GOLGA6B: variants seen among roughly 807,000 people sequenced by gnomAD.
GOLGA6B encodes golgin A6 family member B, also known as golgin subfamily A member 6B.
GOLGA6B carries 11 observed loss-of-function variants against 63.0 expected under a neutral mutation model. The observed-to-expected ratio is 0.17, with a 90% CI of 0.11 to 0.29. The LOEUF is 0.29. Ranked by LOEUF, GOLGA6B falls within the 10% of genes least tolerant of loss-of-function variation. The pLI is 1.00. For missense variants in GOLGA6B, 134 were observed against 563.8 expected (o/e 0.24, Z 7.72); for synonymous variants, 46 against 232.6 (o/e 0.20, Z 7.30).
Position 72,664,403 on chromosome 15 carries a change from C to T in GOLGA6B, c.1426-33C>T, listed in dbSNP as rs58496280. On this transcript the variant is annotated intron_variant, in intron 12 of 17. Transcript: ENST00000421285. ...CCGAGGGGGATGACCTGGCAACCTC[C>T]GTGCCTTCTCACTCTGTTTCCCGTC... is the stretch of plus-strand genomic sequence containing the variant. The T allele has an allele frequency of 8.1e-5, 107 of 1,319,320 alleles. 31 individuals are homozygous for T. The South Asian group carries it at 8.3e-4, about 10-fold the overall frequency. 81.7% of individuals were successfully genotyped at this position (1,319,320 alleles called of 1,614,324 possible). A position where few individuals can be genotyped will look rare whatever the true frequency, so the allele number is the denominator to read the frequency against.
At chr15:72,664,124 C>T (rs1229402631) in intron 12 of GOLGA6B, among the ~76,000 whole-genome samples, 1 of 130,280 alleles carries the variant, frequency 7.7e-6, no homozygotes, top group Non-Finnish European at 1.7e-5. Flanking sequence ...GGTCTTCCTG[C>T]AGGTGGAGCT....
chr15:72,665,159 G>A (rs372173375), intron 14 of GOLGA6B, 124 bp downstream of exon 14: 131,345 of 524,920 alleles, frequency 0.25, 3,592 homozygotes, highest in Non-Finnish European at 0.3. Context: ...GGAGCCAGTG[G>A]TCAGACACTT....
rs574883965 is a variant in GOLGA6B, at chr15:72,664,312, G to A, written c.1426-124G>A. On this transcript the variant is annotated intron_variant, in intron 12 of 17. Coordinates refer to ENST00000421285, the MANE Select transcript of GOLGA6B (RefSeq NM_018652.5). ...AGCAGCAGGAAGCTTGGGGCAAAGC[G>A]GTGGCTGAGATGGCCGGCCAAAAGT... 694 of 1,183,658 alleles carry A rather than the reference G, an allele frequency of 5.9e-4. 141 individuals are homozygous for A. The highest frequency in any genetic ancestry group is 1.1e-3 in the South Asian group (68 of 62,300). 73.3% of individuals were successfully genotyped at this position (1,183,658 alleles called of 1,614,324 possible). A position where few individuals can be genotyped will look rare whatever the true frequency, so the allele number is the denominator to read the frequency against.
chr15:72,666,331 C>G lies in GOLGA6B; in HGVS notation c.2071C>G (p.Gln691Glu). The G allele has an allele frequency of 6.5e-7, 1 of 1,544,868 alleles. No individual in the cohort carries two copies. Among genetic ancestry groups the G allele is most frequent in the South Asian group, 1.1e-5 (1 of 86,962 alleles). The change falls in exon 18 of 18, where the codon CAG becomes GAG. Residue 691 changes from glutamine (Q) to glutamate (E), a missense_variant. By Grantham distance (29) the Gln-to-Glu change is conservative (BLOSUM62 2). Coordinates refer to ENST00000421285, the MANE Select transcript of GOLGA6B (RefSeq NM_018652.5). Reference sequence around the variant, plus strand: ...GATCGTGCAGCTGTCTCCTGTCATGCAGGACACCTAGGAGCACCCAGGCTT... The same window carrying G: ...GATCGTGCAGCTGTCTCCTGTCATGGAGGACACCTAGGAGCACCCAGGCTT... ...QQIVQLSPVM[Q>E]DT
chr15:72,662,444 G>T lies in GOLGA6B; in HGVS notation c.1040G>T (p.Arg347Leu). The change falls in exon 11 of 18, where the codon CGA becomes CTA. Residue 347 changes from arginine to leucine, a missense_variant. Transcript: ENST00000421285. ...CTCCAGGAGCAGGAGGAGATGCTCC[G>T]AGAGCAGGAGGTGCAGAGAGTGCGG... The part of the protein sequence containing the change: ...QRLQEQEEML[R>L]EQEVQRVREQ... The T allele has an allele frequency of 7.2e-7, 1 of 1,393,886 alleles. No homozygotes were observed. Among genetic ancestry groups the T allele is most frequent in the East Asian group, 2.7e-5 (1 of 37,600 alleles). 86.3% of individuals were successfully genotyped at this position (1,393,886 alleles called of 1,614,324 possible).
At chr15:72,665,135 C>A in intron 14 of GOLGA6B, 100 bp downstream of exon 14, 2 of 898,102 alleles carry the variant, frequency 2.2e-6, no homozygotes, top group South Asian at 2.8e-5. Context: ...TGCTCTGGCC[C>A]CTCACCCCTT....
At chr15:72,657,272 G>A (rs1171052465) in intron 2 of GOLGA6B, among the ~76,000 whole-genome samples, 8 of 83,874 alleles carry the variant, frequency 9.5e-5, no homozygotes, top group African/African-American at 3.6e-4. Context: ...TGGAGGTGGA[G>A]GTCTGGAGCT....
chr15:72,662,525 T>TGC lies in GOLGA6B; in HGVS notation c.1121_1122insGC (p.Gln375HisfsTer79). The TGC allele has an allele frequency of 6.9e-7, 1 of 1,456,656 alleles. No individual in the cohort carries two copies. The highest frequency in any genetic ancestry group is 9.4e-7 in the Non-Finnish European group (1 of 1,063,288). The allele number at this position is 1,456,656 out of a possible 1,614,324, so 90.2% of individuals were successfully genotyped here. ...AGGCTTCGGGAGCAGCAGAAGACGC[T>TGC]ACAGGAGCAGGGTGAGAGGCTGCGA... On this transcript the variant is annotated frameshift_variant, in exon 11 of 18. Coordinates refer to ENST00000421285, the MANE Select transcript of GOLGA6B (RefSeq NM_018652.5). LOFTEE classifies it high-confidence loss of function.
chr15:72,657,504 T>C (rs2064581963), intron 2 of GOLGA6B, among the ~76,000 whole-genome samples: 1 of 123,978 alleles, frequency 8.1e-6, no homozygotes, highest in Non-Finnish European at 1.7e-5. Flanking sequence ...TTCCTTTTCC[T>C]GAACCCACAT....
At chr15:72,664,088 C>A (rs1415810293) in intron 12 of GOLGA6B, among the ~76,000 whole-genome samples, 2 of 130,000 alleles carry the variant, frequency 1.5e-5, no homozygotes, top group East Asian at 4.7e-4. Flanking sequence ...ATCTGGAAGC[C>A]AGCCACCATG....
At chr15:72,660,918 T>C (rs2064592840) in intron 7 of GOLGA6B, among the ~76,000 whole-genome samples, 2 of 147,378 alleles carry the variant, frequency 1.4e-5, no homozygotes, top group African/African-American at 2.6e-5. Flanking sequence ...ATCTACACAA[T>C]AGAGGTAATC....
rs375032772 is a variant in GOLGA6B at position 72,666,256 on chromosome 15, C to G, written c.1996C>G (p.Pro666Ala). 1.4e-5 allele frequency: 22 copies of G among 1,603,512 alleles called. No homozygotes were observed. The highest frequency in any genetic ancestry group is 1.9e-5 in the Non-Finnish European group (22 of 1,177,378). ...CCTGGACAACAACGTGGAGCCTGCA[C>G]CAGGAGCGGCCAGGGAGGGTTCTCC... ...VSLDNNVEPA[P>A]GAAREGSPHD... Residue 666 changes from proline (P) to alanine (A), a missense_variant, in exon 18 of 18, where the codon CCA (proline) becomes GCA (alanine). Pro to Ala is a conservative substitution (Grantham distance 27). Coordinates refer to ENST00000421285, the MANE Select transcript of GOLGA6B (RefSeq NM_018652.5).
At chr15:72,657,327 C>T (rs2064581004) in intron 2 of GOLGA6B, among the ~76,000 whole-genome samples, 1 of 138,732 alleles carries the variant, frequency 7.2e-6, no homozygotes, top group Admixed American at 7.3e-5. Flanking sequence ...GAGAGGGGTC[C>T]AGTGAGCGTA....
In GOLGA6B at chr15:72,666,175, C is replaced by T. The variant is rs377359966; in HGVS notation, c.1955-40C>T. ...GGTGGGCAGGCAGGGGCAGGGGAGG[C>T]TCGCACTGTGCTCAGACCCCCGCCT... On this transcript the variant is annotated intron_variant, in intron 17 of 17. Transcript: ENST00000421285. The T allele has an allele frequency of 7.5e-6, 12 of 1,606,128 alleles. No homozygotes were observed. The African/African-American group carries it at 1.6e-4, about 22-fold the overall frequency.
Position 72,666,275 on chromosome 15 carries a change from G to C in GOLGA6B, c.2015G>C (p.Gly672Ala). Reference protein sequence around the residue: ...VEPAPGAAREGSPHDNPTVQQ... With the variant: ...VEPAPGAAREASPHDNPTVQQ... ...CCTGCACCAGGAGCGGCCAGGGAGG[G>C]TTCTCCCCATGACAACCCCACTGTA... The change falls in exon 18 of 18, where the codon GGT (glycine) becomes GCT (alanine). Residue 672 changes from glycine (G) to alanine (A), a missense_variant. By Grantham distance (60) the Gly-to-Ala change is moderately conservative. Transcript: ENST00000421285. 1 of 1,595,940 alleles carries C rather than the reference G, an allele frequency of 6.3e-7. No individual in the cohort carries two copies. Among genetic ancestry groups the C allele is most frequent in the East Asian group, 2.3e-5 (1 of 44,124 alleles).
At position 72,664,494 on chromosome 15, in the gene GOLGA6B, T is replaced by A; in HGVS notation, c.1484T>A (p.Val495Glu). 7.4e-7 allele frequency: 1 copy of A among 1,356,654 alleles called. No homozygotes were observed. Among genetic ancestry groups the A allele is most frequent in the Non-Finnish European group, 1.0e-6 (1 of 994,900 alleles). 84.0% of individuals were successfully genotyped at this position (1,356,654 alleles called of 1,614,324 possible). The change falls in exon 13 of 18, where the codon GTG (valine) becomes GAG (glutamate). Residue 495 changes from valine (V) to glutamate (E), a missense_variant. Coordinates refer to ENST00000421285, the MANE Select transcript of GOLGA6B (RefSeq NM_018652.5). ...CAGCTAGAGACCCAGCTAAGCCTCG[T>A]GGCTCTCCCGGGAGAAGGTACAGGA... ...NQQLETQLSL[V>E]ALPGEGDGGQ...
In GOLGA6B at chr15:72,669,314, T is replaced by A. The variant is rs80115328; in HGVS notation, c.*2972T>A. Among the ~76,000 whole-genome samples the A allele has an allele frequency of 6.6e-6, 1 of 151,892 alleles. No individual in the cohort carries two copies. Among genetic ancestry groups the A allele is most frequent in the Non-Finnish European group, 1.5e-5 (1 of 67,968 alleles). On this transcript the variant is annotated 3_prime_UTR_variant, in exon 18 of 18. Coordinates refer to ENST00000421285, the MANE Select transcript of GOLGA6B (RefSeq NM_018652.5). ...CATTTTAAAAGAATATAACTATTCA[T>A]AAGTGTAACTGCTATCTTAATGTTT...
rs552944019 is a variant in GOLGA6B, at chr15:72,664,544, G to A, written c.1501+33G>A. The A allele has an allele frequency of 7.3e-5, 93 of 1,281,442 alleles. 3 individuals are homozygous for A. Among genetic ancestry groups the A allele is most frequent in the Non-Finnish European group, 9.3e-5 (87 of 932,318 alleles). The allele number at this position is 1,281,442 out of a possible 1,614,324, so 79.4% of individuals were successfully genotyped here. A position where few individuals can be genotyped will look rare whatever the true frequency, so the allele number is the denominator to read the frequency against. On this transcript the variant is annotated intron_variant, in intron 13 of 17. Coordinates refer to ENST00000421285, the MANE Select transcript of GOLGA6B (RefSeq NM_018652.5). ...AGACCACTCAGAGGAAGAGGAGAGAGCCCCAGGAGGAAGGGGGGACTGTTA... is the reference window on the plus strand; with the variant it reads ...AGACCACTCAGAGGAAGAGGAGAGAACCCCAGGAGGAAGGGGGGACTGTTA...
rs2064616105 is a variant in GOLGA6B at position 72,663,908 on chromosome 15, T to C, written c.1426-528T>C. 1.5e-5 allele frequency among the ~76,000 whole-genome samples: 2 copies of C among 130,170 alleles called. 1 individual carries two copies. The highest frequency in any genetic ancestry group is 5.3e-5 in the African/African-American group (2 of 37,820). 85.4% of individuals were successfully genotyped at this position (130,170 alleles called of 152,430 possible). On this transcript the variant is annotated intron_variant, in intron 12 of 17. Coordinates refer to ENST00000421285, the MANE Select transcript of GOLGA6B (RefSeq NM_018652.5). ...CTCCCTCTGCTTTTCCGCCAGTCTG[T>C]GGCCTACAGTTTAAATGGTGGGAAG... is the stretch of plus-strand genomic sequence containing the variant.
Sources: allele counts gnomAD v4.1 joint callset (sites outside exome capture counted in the v4.1 genomes callset), GRCh38; gene constraint gnomAD v4.1.1; transcripts MANE v1.5; gene names NCBI Gene and HGNC (gene_info 2026-07-23, HGNC 2026-07-21).